Variants in RPS6KA3 observed in about 807,000 individuals in gnomAD.
RPS6KA3 encodes the protein ribosomal protein S6 kinase alpha-3.
Under a neutral mutation model 67.2 loss-of-function variants are expected in RPS6KA3, and 4 were observed. The observed-to-expected ratio is 0.06, with a 90% CI of 0.03 to 0.14. The LOEUF is 0.14. Ranked by LOEUF, RPS6KA3 falls within the 10% of genes least tolerant of loss-of-function variation. RPS6KA3 has a pLI of 1.00. For synonymous variants in RPS6KA3, 182 were observed against 183.7 expected, an observed-to-expected ratio of 0.99 and a Z score of 0.07; for missense variants, 204 against 559.0, an observed-to-expected ratio of 0.36 and a Z score of 6.40.
chrX:20,161,752 T>C lies in RPS6KA3; in HGVS notation c.1851A>G (p.Pro617=). The C allele has an allele frequency of 1.2e-5, 12 of 995,537 alleles. No homozygotes were observed. The highest frequency in any genetic ancestry group is 1.6e-5 in the Non-Finnish European group (12 of 739,623). 82.0% of individuals were successfully genotyped at this position (995,537 alleles called of 1,213,427 possible). ...LLYTMLTGYT[P]FANGPDDTPE... ...GTGTATCATCAGGACCATTTGCAAA[T>C]GGAGTGTAACTAATTTATAATAAAA... Residue 617 remains proline, a synonymous_variant, in exon 20 of 22, where the codon CCA becomes CCG. Transcript: ENST00000379565.
intron 10 of RPS6KA3, among the ~76,000 whole-genome samples, chrX:20,178,481 GT>G (rs59662504): frequency 0.21 from 17,784 of 84,327 alleles, 2,243 homozygotes; most frequent in African/African-American, 0.41. Flanking sequence ...AAACAAATCA[GT>G]TTTTTTTTTT....
chrX:20,156,199 A>G lies in RPS6KA3; in HGVS notation c.2010T>C (p.Ala670=). 8.3e-7 allele frequency: 1 copy of G among 1,210,044 alleles called. No individual in the cohort carries two copies. The highest frequency in any genetic ancestry group is 1.8e-5 in the South Asian group (1 of 56,974). The change falls in exon 21 of 22, where the codon GCT becomes GCC. Residue 670 remains alanine, a synonymous_variant. Transcript: ENST00000379565. The part of the protein sequence containing the change: ...LHVDPHQRLT[A]ALVLRHPWIV... ...TCCAAGGATGTCTGAGCACAAGAGC[A>G]GCAGTCAGTCTCTGATGAGGGTCTA... is the stretch of plus-strand genomic sequence containing the variant.
rs182975585 is a variant in RPS6KA3 at position 20,205,393 on chromosome X, C to T, written c.244-1290G>A. 5.3e-5 allele frequency among the ~76,000 whole-genome samples: 6 copies of T among 112,787 alleles called. No homozygotes were observed. The East Asian group carries it at 1.7e-3, about 31-fold the overall frequency. ...CTTTCATTCATCTGAATTAGCACAT[C>T]AGGCTATTAGCACAAAATTAAAAAA... On this transcript the variant is annotated intron_variant, in intron 3 of 21. Transcript: ENST00000379565.
At position 20,266,709 on chromosome X, in the gene RPS6KA3, C is replaced by T. The variant is rs1384018259; in HGVS notation, c.-77G>A. ...ACGGCCGGCCCCGCTCCGTCGCCGCCCGAGCCCCACGGCAGCGGCGGCGGC... is the reference window on the plus strand; with the variant it reads ...ACGGCCGGCCCCGCTCCGTCGCCGCTCGAGCCCCACGGCAGCGGCGGCGGC... On this transcript the variant is annotated 5_prime_UTR_variant, in exon 1 of 22. Coordinates refer to ENST00000379565, the MANE Select transcript of RPS6KA3 (RefSeq NM_004586.3). 8.7e-6 allele frequency: 6 copies of T among 688,843 alleles called. No individual in the cohort carries two copies. In the African/African-American group the frequency reaches 1.0e-4, roughly 12 times the overall value. The allele number at this position is 688,843 out of a possible 1,213,427, so 56.8% of individuals were successfully genotyped here. A position where few individuals can be genotyped will look rare whatever the true frequency, so the allele number is the denominator to read the frequency against.
At chrX:20,240,036 A>G (rs765057943) in intron 1 of RPS6KA3, among the ~76,000 whole-genome samples, 21 of 110,621 alleles carry the variant, frequency 1.9e-4, no homozygotes, top group Non-Finnish European at 4.0e-4. Context: ...GCAGGAGATC[A>G]TCATGTATAA....
At chrX:20,202,660 G>A (rs996207578) in intron 4 of RPS6KA3, among the ~76,000 whole-genome samples, 1 of 112,077 alleles carries the variant, frequency 8.9e-6, no homozygotes, top group South Asian at 3.7e-4. Flanking sequence ...TTCTCTAATA[G>A]GGATTGGGCA....
chrX:20,193,693 T>C, intron 6 of RPS6KA3, 100 bp from the exon 7 acceptor site: 1 of 494,276 alleles, frequency 2.0e-6, no homozygotes, highest in Non-Finnish European at 3.4e-6. Flanking sequence ...ATTTTATAAA[T>C]ATGATAATTA....
rs1035066146 is a variant in RPS6KA3 at position 20,225,836 on chromosome X, G to T, written c.126+8922C>A. On this transcript the variant is annotated intron_variant, in intron 2 of 21. Coordinates refer to ENST00000379565, the MANE Select transcript of RPS6KA3 (RefSeq NM_004586.3). ...TTCAGTTAAGTAAAGACAGGAAAAG[G>T]CTGAACCTTTAGAAAGCCAGAAGAA... Among the ~76,000 whole-genome samples the T allele has an allele frequency of 8.9e-5, 10 of 111,963 alleles. No homozygotes were observed. In the Admixed American group the frequency reaches 9.5e-4, roughly 11 times the overall value.
chrX:20,172,897 G>T (rs1199830793), intron 14 of RPS6KA3, 26 bp from the exon 15 acceptor site: 7 of 1,192,190 alleles, frequency 5.9e-6, no homozygotes, highest in Non-Finnish European at 8.0e-6. Flanking sequence ...AATTGGTGAA[G>T]AGTCCCATAA....
intron 10 of RPS6KA3, among the ~76,000 whole-genome samples, chrX:20,183,925 G>A (rs959461304): frequency 8.9e-6 from 1 of 112,457 alleles, no homozygotes; most frequent in African/African-American, 3.2e-5. Context: ...AATTTCAAAT[G>A]AGTATGAAAA....
intron 14 of RPS6KA3, among the ~76,000 whole-genome samples, chrX:20,173,209 C>T (rs766236032): frequency 2.3e-4 from 26 of 111,302 alleles, no homozygotes; most frequent in Non-Finnish European, 7.5e-5. Flanking sequence ...TTTCAAGTAC[C>T]TTTGCAAATG....
At chrX:20,203,097 G>A (rs1183934947) in intron 4 of RPS6KA3, among the ~76,000 whole-genome samples, 1 of 111,538 alleles carries the variant, frequency 9.0e-6, no homozygotes, top group Non-Finnish European at 1.9e-5. Context: ...GCAAATATTA[G>A]AGAATATTTT....
chrX:20,266,448 G>C, intron 1 of RPS6KA3, 116 bp downstream of exon 1: 1 of 610,519 alleles, frequency 1.6e-6, no homozygotes, highest in Non-Finnish European at 2.6e-6. Flanking sequence ...CCTGAGCCCG[G>C]GGGAAAGACG....
chrX:20,195,291 A>C, intron 4 of RPS6KA3, 146 bp from the exon 5 acceptor site: 1 of 430,619 alleles, frequency 2.3e-6, no homozygotes, highest in Admixed American at 3.6e-5. Flanking sequence ...TTACAAAATC[A>C]ATAATGATGT....
At chrX:20,246,122 GAAAAAAAAAAAA>G (rs5901672) in intron 1 of RPS6KA3, among the ~76,000 whole-genome samples, 3 of 52,849 alleles carry the variant, frequency 5.7e-5, no homozygotes, top group Non-Finnish European at 1.1e-4. Flanking sequence ...TCTCGGAAAA[GAAAAAAAAAAAA>G]AAAAAAAAAG....
chrX:20,264,650 AAT>A (rs780806630), intron 1 of RPS6KA3, among the ~76,000 whole-genome samples: 1,243 of 112,022 alleles, frequency 0.011, 18 homozygotes, highest in African/African-American at 0.038. Flanking sequence ...GTGCTAAATA[AAT>A]ATGTTTTGTC....
At chrX:20,194,308 AT>A in intron 5 of RPS6KA3, 40 bp from the exon 6 acceptor site, 7 of 889,156 alleles carry the variant, frequency 7.9e-6, no homozygotes, top group Non-Finnish European at 1.2e-5. Context: ...GTCCACCATA[AT>A]TTTTTTAGGT....
intron 15 of RPS6KA3, among the ~76,000 whole-genome samples, chrX:20,171,159 T>C (rs1205231822): frequency 8.9e-6 from 1 of 112,260 alleles, no homozygotes; most frequent in Non-Finnish European, 1.9e-5. Context: ...ACATACAAAA[T>C]AATCGACTAT....
chrX:20,226,047 T>C (rs1052373981), intron 2 of RPS6KA3, among the ~76,000 whole-genome samples: 1 of 111,041 alleles, frequency 9.0e-6, no homozygotes, highest in Admixed American at 9.6e-5. Context: ...CTGAGTGTGG[T>C]GGCATGTGCC....
Sources: gnomAD v4.1 joint callset for allele counts (sites outside exome capture counted in the v4.1 genomes callset) on GRCh38, gnomAD v4.1.1 for gene constraint, MANE v1.5 for transcripts, NCBI Gene and HGNC (gene_info 2026-07-23, HGNC 2026-07-21) for gene names.